Variants in DLG2 observed in about 807,000 individuals in gnomAD.
DLG2 encodes the protein disks large homolog 2.
DLG2 carries 45 observed loss-of-function variants against 132.5 expected under a neutral mutation model. The observed-to-expected ratio is 0.34, with a 90% CI of 0.27 to 0.44. The LOEUF is 0.44. Ranked by LOEUF, DLG2 falls within the 20% of genes least tolerant of loss-of-function variation. DLG2 has a pLI of 1.00. For missense variants in DLG2, 1,045 were observed against 1,196.9 expected (o/e 0.87, Z 1.87); for synonymous variants, 424 against 419.6 (o/e 1.01, Z -0.13).
At chr11:84,250,235 C>G (rs1434153513) in intron 8 of DLG2, among the ~76,000 whole-genome samples, 2 of 152,154 alleles carry the variant, frequency 1.3e-5, no homozygotes, top group South Asian at 2.1e-4. Context: ...GGCAGTTGCT[C>G]TCTTTAAATG....
At chr11:83,737,836 G>T (rs1467779935) in intron 18 of DLG2, among the ~76,000 whole-genome samples, 1 of 152,086 alleles carries the variant, frequency 6.6e-6, no homozygotes, top group Non-Finnish European at 1.5e-5. Flanking sequence ...GCCTGTAAAA[G>T]GGTTAGTTGA....
At chr11:83,866,094 C>G (rs2062313254) in intron 16 of DLG2, among the ~76,000 whole-genome samples, 1 of 151,766 alleles carries the variant, frequency 6.6e-6, no homozygotes, top group African/African-American at 2.4e-5. Flanking sequence ...TTTCACAGAG[C>G]TTGACACAGT....
intron 5 of DLG2, among the ~76,000 whole-genome samples, chr11:85,154,256 A>C (rs2077453317): frequency 6.6e-6 from 1 of 152,104 alleles, no homozygotes. Context: ...AGGTTAAATG[A>C]AAGTATTTTT....
intron 17 of DLG2, chr11:83,814,871 A>C (rs1272526217): frequency 4.2e-6 from 1 of 237,862 alleles, no homozygotes; most frequent in Non-Finnish European, 9.3e-6. Context: ...TTGAGTCCCC[A>C]TGCTCTCCAA....
chr11:83,955,558 C>A (rs1364810174), intron 14 of DLG2, among the ~76,000 whole-genome samples: 1 of 152,192 alleles, frequency 6.6e-6, no homozygotes. Flanking sequence ...CTGATTGGTT[C>A]TTTCTGGATA....
chr11:85,582,691 A>AAAAAAAAAAAAAAAAAAAAAAT (rs2078625148), intron 3 of DLG2, among the ~76,000 whole-genome samples: 1 of 137,550 alleles, frequency 7.3e-6, no homozygotes, highest in Admixed American at 7.3e-5. Flanking sequence ...AAAAAAAAAA[A>AAAAAAAAAAAAAAAAAAAAAAT]AAAAAAAAAA....
intron 6 of DLG2, among the ~76,000 whole-genome samples, chr11:84,898,226 A>C (rs546413808): frequency 2.6e-5 from 4 of 152,098 alleles, no homozygotes; most frequent in South Asian, 2.1e-4. Context: ...AGAGTAAAAA[A>C]TTTCTAATCA....
chr11:85,559,071 T>C (rs568869858), intron 3 of DLG2, among the ~76,000 whole-genome samples: 1 of 151,890 alleles, frequency 6.6e-6, no homozygotes, highest in African/African-American at 2.4e-5. Context: ...GGTGATGTTA[T>C]GAAATGAATT....
intron 8 of DLG2, among the ~76,000 whole-genome samples, chr11:84,174,173 C>T (rs1173522930): frequency 6.6e-6 from 1 of 151,436 alleles, no homozygotes; most frequent in Non-Finnish European, 1.5e-5. Flanking sequence ...TTGTCATATA[C>T]ATCCTTTACA....
At chr11:84,976,665 A>G (rs924613156) in intron 6 of DLG2, among the ~76,000 whole-genome samples, 1 of 152,150 alleles carries the variant, frequency 6.6e-6, no homozygotes, top group African/African-American at 2.4e-5. Context: ...ATAAAAATAC[A>G]CTATAGGAAA....
chr11:84,103,249 C>A (rs1047691746), intron 9 of DLG2, among the ~76,000 whole-genome samples: 5 of 152,110 alleles, frequency 3.3e-5, no homozygotes, highest in East Asian at 1.9e-4. Flanking sequence ...GAGAGAGGGA[C>A]AGATGCAAAA....
intron 14 of DLG2, among the ~76,000 whole-genome samples, chr11:83,960,458 A>T (rs544783548): frequency 2.9e-4 from 44 of 152,200 alleles, no homozygotes; most frequent in Admixed American, 2.4e-3. Flanking sequence ...TTCTCTTCTA[A>T]GTAAAAACAT....
chr11:84,938,043 G>C (rs2048959585), intron 6 of DLG2, among the ~76,000 whole-genome samples: 2 of 152,160 alleles, frequency 1.3e-5, no homozygotes, highest in South Asian at 4.1e-4. Context: ...CCTAGAAAAG[G>C]AACCTTGAAA....
intron 6 of DLG2, among the ~76,000 whole-genome samples, chr11:84,789,584 T>C (rs1380157875): frequency 6.6e-6 from 1 of 152,190 alleles, no homozygotes; most frequent in Non-Finnish European, 1.5e-5. Context: ...TTTTAGTTAT[T>C]TTTAAATGTG....
intron 6 of DLG2, among the ~76,000 whole-genome samples, chr11:84,611,180 C>T (rs2099594984): frequency 6.6e-6 from 1 of 152,032 alleles, no homozygotes; most frequent in Admixed American, 6.6e-5. Context: ...GGCCAAGGAC[C>T]ATGTGTTATT....
intron 22 of DLG2, 59 bp from the exon 23 acceptor site, chr11:83,472,836 GCCCTGCTCT>G (rs1591422633): frequency 7.1e-7 from 1 of 1,416,976 alleles, no homozygotes; most frequent in East Asian, 2.3e-5. Context: ...ACAGAGACAA[GCCCTGCTCT>G]GAAACACAGG....
At chr11:84,845,643 T>C (rs770187882) in intron 6 of DLG2, among the ~76,000 whole-genome samples, 3 of 151,942 alleles carry the variant, frequency 2.0e-5, no homozygotes, top group East Asian at 3.9e-4. Context: ...TCCTTCCCTA[T>C]TGAAACACTT....
chr11:85,330,702 C>T (rs2081643319), intron 3 of DLG2, among the ~76,000 whole-genome samples: 1 of 104,228 alleles, frequency 9.6e-6, no homozygotes, highest in Non-Finnish European at 1.9e-5. Context: ...GGGTGCAGCG[C>T]ACCAGCATGG....
At chr11:84,631,804 A>C (rs1294813865) in intron 6 of DLG2, among the ~76,000 whole-genome samples, 1 of 152,188 alleles carries the variant, frequency 6.6e-6, no homozygotes, top group Non-Finnish European at 1.5e-5. Flanking sequence ...AGAAAAAATG[A>C]TGGATTTAGG....
Sources: allele counts gnomAD v4.1 joint callset (sites outside exome capture counted in the v4.1 genomes callset), GRCh38; gene constraint gnomAD v4.1.1; transcripts MANE v1.5; gene names NCBI Gene and HGNC (gene_info 2026-07-23, HGNC 2026-07-21).